Variants in ITGBL1 observed in about 807,000 individuals in gnomAD.
ITGBL1 encodes integrin beta-like protein 1.
Under a neutral mutation model 68.5 loss-of-function variants are expected in ITGBL1, and 51 were observed. The observed-to-expected ratio is 0.74, with a 90% CI of 0.59 to 0.94. ITGBL1 has a LOEUF of 0.94. Among genes scored for constraint, ITGBL1 ranks in the 40% least tolerant of loss-of-function variants. The probability of loss-of-function intolerance (pLI) is 0.00; values close to 1 mark genes in which losing one functional copy is unlikely to be tolerated. For missense variants in ITGBL1, 649 were observed against 647.4 expected (o/e 1.00, Z -0.03); for synonymous variants, 209 against 227.3 (o/e 0.92, Z 0.72).
At chr13:101,454,684 A>G (rs1363693768) in intron 2 of ITGBL1, among the ~76,000 whole-genome samples, 2 of 152,170 alleles carry the variant, frequency 1.3e-5, no homozygotes, top group Non-Finnish European at 2.9e-5. Context: ...GGGGGAATGT[A>G]TTATTTTCCT....
chr13:101,573,696 G>A (rs2050309295), intron 3 of ITGBL1, among the ~76,000 whole-genome samples: 2 of 152,252 alleles, frequency 1.3e-5, no homozygotes, highest in Admixed American at 6.5e-5. Flanking sequence ...AGAAATGAAA[G>A]CAATGCCTTT....
intron 2 of ITGBL1, among the ~76,000 whole-genome samples, chr13:101,535,497 A>G (rs1004960916): frequency 3.3e-5 from 5 of 152,120 alleles, no homozygotes; most frequent in Admixed American, 2.0e-4. Flanking sequence ...TTGAATCCCT[A>G]TTAAATTCAT....
intron 6 of ITGBL1, among the ~76,000 whole-genome samples, chr13:101,597,776 A>C (rs1387698958): frequency 4.0e-5 from 6 of 151,752 alleles, no homozygotes; most frequent in Admixed American, 6.6e-5. Context: ...CTGGTCTCAA[A>C]CTCCTGACCT....
intron 2 of ITGBL1, among the ~76,000 whole-genome samples, chr13:101,455,528 G>C (rs961736839): frequency 6.6e-6 from 1 of 152,078 alleles, no homozygotes; most frequent in Non-Finnish European, 1.5e-5. Flanking sequence ...TTAGCTGGGC[G>C]TCGTGGCATG....
chr13:101,516,566 A>T (rs2049198740), intron 2 of ITGBL1, among the ~76,000 whole-genome samples: 1 of 152,166 alleles, frequency 6.6e-6, no homozygotes, highest in Non-Finnish European at 1.5e-5. Flanking sequence ...AAGCAAAAGA[A>T]AAGGTAGAAA....
chr13:101,464,055 C>A (rs2048351403), intron 2 of ITGBL1, among the ~76,000 whole-genome samples: 1 of 151,894 alleles, frequency 6.6e-6, no homozygotes, highest in South Asian at 2.1e-4. Flanking sequence ...ACTACAGGCG[C>A]CCATCATCAC....
At chr13:101,492,364 C>A (rs1370590042) in intron 2 of ITGBL1, among the ~76,000 whole-genome samples, 1 of 152,180 alleles carries the variant, frequency 6.6e-6, no homozygotes, top group African/African-American at 2.4e-5. Context: ...AGGTGATTTG[C>A]TATTTTCTGA....
intron 3 of ITGBL1, among the ~76,000 whole-genome samples, chr13:101,573,630 T>C (rs1467554559): frequency 1.3e-5 from 2 of 152,114 alleles, no homozygotes; most frequent in Non-Finnish European, 2.9e-5. Context: ...CATCACTTGG[T>C]ATTGGCAGCA....
intron 7 of ITGBL1, among the ~76,000 whole-genome samples, chr13:101,616,845 C>A (rs1316727679): frequency 2.6e-5 from 4 of 152,184 alleles, no homozygotes; most frequent in African/African-American, 9.7e-5. Flanking sequence ...CCAGAATAAT[C>A]TGCATTGTAA....
intron 2 of ITGBL1, among the ~76,000 whole-genome samples, chr13:101,473,704 C>T (rs1362775473): frequency 1.3e-5 from 2 of 152,138 alleles, no homozygotes; most frequent in Non-Finnish European, 2.9e-5. Flanking sequence ...CATCACCCCT[C>T]CTTTGACCCT....
intron 7 of ITGBL1, among the ~76,000 whole-genome samples, chr13:101,648,830 G>C (rs1566774677): frequency 6.6e-6 from 1 of 151,950 alleles, no homozygotes; most frequent in South Asian, 2.1e-4. Flanking sequence ...TGGAGTTGGT[G>C]GGGGACAGAA....
chr13:101,629,842 A>C (rs1054001462), intron 7 of ITGBL1, among the ~76,000 whole-genome samples: 1 of 152,052 alleles, frequency 6.6e-6, no homozygotes, highest in African/African-American at 2.4e-5. Context: ...TTATTTTTTG[A>C]AATAGAGTCT....
intron 7 of ITGBL1, among the ~76,000 whole-genome samples, chr13:101,673,433 A>G (rs938386239): frequency 1.3e-5 from 2 of 152,198 alleles, no homozygotes; most frequent in African/African-American, 2.4e-5. Context: ...ATTGCTCTAG[A>G]TTCTCTATTG....
At chr13:101,456,128 C>G (rs1049197852) in intron 2 of ITGBL1, among the ~76,000 whole-genome samples, 1 of 152,152 alleles carries the variant, frequency 6.6e-6, no homozygotes, top group Non-Finnish European at 1.5e-5. Flanking sequence ...ATACGAAATG[C>G]AGGACTGAGT....
At chr13:101,594,118 A>G (rs1204350641) in intron 6 of ITGBL1, among the ~76,000 whole-genome samples, 4 of 152,120 alleles carry the variant, frequency 2.6e-5, no homozygotes, top group Non-Finnish European at 4.4e-5. Context: ...ATATACCCCA[A>G]ATAACTAAAG....
intron 8 of ITGBL1, among the ~76,000 whole-genome samples, chr13:101,695,360 C>A (rs998899493): frequency 6.6e-6 from 1 of 151,904 alleles, no homozygotes; most frequent in Non-Finnish European, 1.5e-5. Flanking sequence ...CATTTGAGGA[C>A]CAGAGAAAAA....
chr13:101,488,456 A>C (rs1052056665), intron 2 of ITGBL1, among the ~76,000 whole-genome samples: 3 of 152,180 alleles, frequency 2.0e-5, no homozygotes, highest in African/African-American at 7.2e-5. Flanking sequence ...GTAAAACTGG[A>C]GTGATTTCAG....
chr13:101,467,124 C>T (rs2139634297), intron 2 of ITGBL1, among the ~76,000 whole-genome samples: 1 of 152,250 alleles, frequency 6.6e-6, no homozygotes, highest in East Asian at 1.9e-4. Context: ...GCCTGGAGTG[C>T]TCATGACCTA....
At chr13:101,541,352 C>T (rs1383695489) in intron 2 of ITGBL1, among the ~76,000 whole-genome samples, 1 of 151,962 alleles carries the variant, frequency 6.6e-6, no homozygotes, top group Non-Finnish European at 1.5e-5. Context: ...TGCTGGATTA[C>T]ATTTATTGAT....
Sources: allele counts gnomAD v4.1 joint callset (sites outside exome capture counted in the v4.1 genomes callset), GRCh38; gene constraint gnomAD v4.1.1; transcripts MANE v1.5; gene names NCBI Gene and HGNC (gene_info 2026-07-23, HGNC 2026-07-21).